FYB1: variants seen among roughly 807,000 people sequenced by gnomAD.
The protein encoded by FYB1 is FYN-binding protein 1.
In FYB1, 41 loss-of-function variants were observed where a neutral mutation model predicts 94.1. The observed-to-expected ratio is 0.44, with a 90% CI of 0.34 to 0.57. The LOEUF (loss-of-function observed/expected upper bound fraction) is 0.57, where lower values mean the gene tolerates loss of function less well. FYB1 is among the 20% of genes least tolerant of loss of function. The pLI, the probability that FYB1 is intolerant of heterozygous loss-of-function variation, is 0.02. For synonymous variants in FYB1, 367 were observed against 353.2 expected, an observed-to-expected ratio of 1.04 and a Z score of -0.44; for missense variants, 1,050 against 976.8, an observed-to-expected ratio of 1.07 and a Z score of -1.00.
chr5:39,254,449 C>T (rs990138660), intron 1 of FYB1, among the ~76,000 whole-genome samples: 1 of 152,190 alleles, frequency 6.6e-6, no homozygotes, highest in African/African-American at 2.4e-5. Flanking sequence ...TAAGCAAAAA[C>T]AGCAGGAGCT....
chr5:39,127,617 CA>C, intron 11 of FYB1, 123 bp downstream of exon 11: 1 of 1,056,532 alleles, frequency 9.5e-7, no homozygotes, highest in East Asian at 3.1e-5. Flanking sequence ...ATTAAACATT[CA>C]AATCATTTGG....
chr5:39,250,195 T>C (rs960477743), intron 1 of FYB1, among the ~76,000 whole-genome samples: 3 of 152,206 alleles, frequency 2.0e-5, no homozygotes, highest in Non-Finnish European at 1.5e-5. Context: ...CAGTTCTTTA[T>C]GGCAGTGTGA....
At chr5:39,246,118 G>C (rs1561305249) in intron 1 of FYB1, among the ~76,000 whole-genome samples, 1 of 152,132 alleles carries the variant, frequency 6.6e-6, no homozygotes, top group Non-Finnish European at 1.5e-5. Context: ...AATAAGTGAA[G>C]TAGGTACCTC....
chr5:39,165,859 AC>A (rs1189017919), intron 2 of FYB1, among the ~76,000 whole-genome samples: 1 of 152,244 alleles, frequency 6.6e-6, no homozygotes, highest in African/African-American at 2.4e-5. Context: ...CATGTGGCCA[AC>A]AAGAATATGA....
chr5:39,162,942 A>G (rs1423550005), intron 2 of FYB1, among the ~76,000 whole-genome samples: 1 of 152,230 alleles, frequency 6.6e-6, no homozygotes, highest in African/African-American at 2.4e-5. Flanking sequence ...TTAGAAGTAC[A>G]GCATCCTATT....
At chr5:39,271,880 C>T (rs1752674750) in intron 1 of FYB1, among the ~76,000 whole-genome samples, 2 of 152,088 alleles carry the variant, frequency 1.3e-5, no homozygotes. Context: ...GGAGGAAGAG[C>T]AAAGCAAGAG....
At chr5:39,149,426 C>T (rs536976250) in intron 3 of FYB1, among the ~76,000 whole-genome samples, 16 of 152,284 alleles carry the variant, frequency 1.1e-4, no homozygotes, top group African/African-American at 2.9e-4. Context: ...CTGCAATTCT[C>T]CCCTCTCTCC....
intron 16 of FYB1, 60 bp downstream of exon 16, chr5:39,118,813 TG>T (rs1419681777): frequency 9.1e-7 from 1 of 1,095,028 alleles, no homozygotes; most frequent in Non-Finnish European, 1.2e-6. Context: ...AAAACTTGTT[TG>T]GTTGTTAAAT....
chr5:39,216,275 G>T (rs1386750077), intron 1 of FYB1, among the ~76,000 whole-genome samples: 1 of 152,024 alleles, frequency 6.6e-6, no homozygotes, highest in African/African-American at 2.4e-5. Flanking sequence ...TGTATAATAC[G>T]ATTTTTAATA....
At chr5:39,209,430 G>T (rs532124305) in intron 1 of FYB1, among the ~76,000 whole-genome samples, 2 of 151,520 alleles carry the variant, frequency 1.3e-5, no homozygotes, top group South Asian at 4.2e-4. Flanking sequence ...GGGTTCAAGC[G>T]ATTCTCGTGC....
intron 1 of FYB1, among the ~76,000 whole-genome samples, chr5:39,272,059 T>C (rs1752682681): frequency 6.6e-6 from 1 of 151,804 alleles, no homozygotes; most frequent in African/African-American, 2.4e-5. Flanking sequence ...TCTAAAGCAG[T>C]GGTTCTCAAC....
chr5:39,107,473 GA>G lies in FYB1; in HGVS notation c.2468-9del. 2.0e-6 allele frequency: 3 copies of G among 1,506,064 alleles called. No individual in the cohort carries two copies. The highest frequency in any genetic ancestry group is 1.4e-5 in the African/African-American group (1 of 71,682). 93.3% of individuals were successfully genotyped at this position (1,506,064 alleles called of 1,614,324 possible). Reference sequence around the variant, plus strand: ...CATTGTCATAGATGCAGCCTGAAAGGAAAAAATACAAATTTAAATATAGTTA... The same window carrying G: ...CATTGTCATAGATGCAGCCTGAAAGGAAAAATACAAATTTAAATATAGTTA... On this transcript the variant is annotated splice_polypyrimidine_tract_variant and intron_variant, in intron 18 of 18. Coordinates refer to ENST00000512982, the MANE Select transcript of FYB1 (RefSeq NM_001465.6).
chr5:39,221,942 A>T (rs1750279792), upstream of FYB1, among the ~76,000 whole-genome samples: 1 of 152,168 alleles, frequency 6.6e-6, no homozygotes, highest in African/African-American at 2.4e-5. Flanking sequence ...CGGAGGTTGC[A>T]GTGAGCTGAG....
At chr5:39,128,802 C>T (rs1214500539) in intron 10 of FYB1, among the ~76,000 whole-genome samples, 1 of 152,048 alleles carries the variant, frequency 6.6e-6, no homozygotes, top group African/African-American at 2.4e-5. Flanking sequence ...TTAATATACA[C>T]AAACATGATG....
At chr5:39,189,001 C>A (rs1005199038) in intron 2 of FYB1, among the ~76,000 whole-genome samples, 14 of 152,104 alleles carry the variant, frequency 9.2e-5, no homozygotes, top group Non-Finnish European at 2.1e-4. Context: ...GATGAAGGCA[C>A]AATTTTGGTG....
At chr5:39,207,272 ACTCACAAACATTG>A (rs1472741847) in intron 1 of FYB1, among the ~76,000 whole-genome samples, 1 of 152,184 alleles carries the variant, frequency 6.6e-6, no homozygotes, top group Non-Finnish European at 1.5e-5. Context: ...AGTCCAGATT[ACTCACAAACATTG>A]CTCACAAACA....
intron 1 of FYB1, among the ~76,000 whole-genome samples, chr5:39,265,728 C>T (rs1752411763): frequency 1.3e-5 from 2 of 152,190 alleles, no homozygotes; most frequent in Non-Finnish European, 2.9e-5. Flanking sequence ...CCCAGTGATT[C>T]TCATGCATGC....
At chr5:39,183,803 A>T (rs1017369515) in intron 2 of FYB1, among the ~76,000 whole-genome samples, 5 of 152,218 alleles carry the variant, frequency 3.3e-5, no homozygotes, top group African/African-American at 1.2e-4. Flanking sequence ...GTTATTAAAA[A>T]TGGAGATACG....
intron 1 of FYB1, among the ~76,000 whole-genome samples, chr5:39,228,251 G>A (rs1750568354): frequency 6.6e-6 from 1 of 152,104 alleles, no homozygotes; most frequent in African/African-American, 2.4e-5. Flanking sequence ...GGGAAGCAAA[G>A]GCAAGAAATA....
Sources: gnomAD v4.1 joint callset for allele counts (sites outside exome capture counted in the v4.1 genomes callset) on GRCh38, gnomAD v4.1.1 for gene constraint, MANE v1.5 for transcripts, NCBI Gene and HGNC (gene_info 2026-07-23, HGNC 2026-07-21) for gene names.